Variants in RABGAP1L observed in about 807,000 individuals in gnomAD.
RABGAP1L encodes the protein RAB GTPase activating protein 1 like, also known as rab GTPase-activating protein 1-like.
Under a neutral mutation model 137.7 loss-of-function variants are expected in RABGAP1L, and 63 were observed. That is an observed-to-expected ratio of 0.46 (90% confidence interval 0.37 to 0.56). The LOEUF (loss-of-function observed/expected upper bound fraction) is 0.56, where lower values mean the gene tolerates loss of function less well. Among genes scored for constraint, RABGAP1L ranks in the 20% least tolerant of loss-of-function variants. The pLI is 0.00. For missense variants in RABGAP1L, 1,095 were observed against 1,244.0 expected, an observed-to-expected ratio of 0.88 and a Z score of 1.80; for synonymous variants, 431 against 433.7, an observed-to-expected ratio of 0.99 and a Z score of 0.08.
chr1:174,405,977 C>CA (rs2149115216), intron 13 of RABGAP1L, among the ~76,000 whole-genome samples: 1 of 149,486 alleles, frequency 6.7e-6, no homozygotes, highest in Non-Finnish European at 1.5e-5. Flanking sequence ...GACCCTGTAT[C>CA]AAAAAAATAA....
intron 19 of RABGAP1L, among the ~76,000 whole-genome samples, chr1:174,839,713 T>C (rs1693175711): frequency 6.6e-6 from 1 of 152,234 alleles, no homozygotes; most frequent in Non-Finnish European, 1.5e-5. Context: ...CCTGAAGCAC[T>C]CATCTTGGTG....
chr1:174,438,481 G>A (rs190100758), intron 13 of RABGAP1L, among the ~76,000 whole-genome samples: 154 of 151,988 alleles, frequency 1.0e-3, no homozygotes, highest in African/African-American at 3.4e-3. Flanking sequence ...CACTTTGGGA[G>A]GCTGAGGCAG....
At chr1:174,679,035 G>A (rs1471131632) in intron 14 of RABGAP1L, among the ~76,000 whole-genome samples, 1 of 152,222 alleles carries the variant, frequency 6.6e-6, no homozygotes, top group African/African-American at 2.4e-5. Context: ...TGAAAACAGA[G>A]CTCCCATGAA....
chr1:174,194,137 G>A (rs1558019703), intron 1 of RABGAP1L, among the ~76,000 whole-genome samples: 1 of 152,020 alleles, frequency 6.6e-6, no homozygotes. Context: ...AATTGCATTC[G>A]TACTAAGCAC....
At chr1:174,944,905 C>A (rs1666488333) in intron 19 of RABGAP1L, among the ~76,000 whole-genome samples, 1 of 152,122 alleles carries the variant, frequency 6.6e-6, no homozygotes, top group Non-Finnish European at 1.5e-5. Flanking sequence ...AGCCTTCTGT[C>A]TCTTGTATTT....
At chr1:174,820,304 AG>A (rs1342590123) in intron 19 of RABGAP1L, among the ~76,000 whole-genome samples, 3 of 152,166 alleles carry the variant, frequency 2.0e-5, no homozygotes, top group African/African-American at 7.2e-5. Context: ...GGGGAGTAAG[AG>A]GGAGTAGAGA....
chr1:174,666,339 C>G (rs903670582), intron 14 of RABGAP1L, among the ~76,000 whole-genome samples: 3 of 152,136 alleles, frequency 2.0e-5, no homozygotes, highest in Admixed American at 1.3e-4. Context: ...ATATCAAGCT[C>G]CTGTTTAAGT....
intron 11 of RABGAP1L, among the ~76,000 whole-genome samples, chr1:174,341,836 G>A (rs1052093489): frequency 5.3e-5 from 8 of 152,196 alleles, no homozygotes; most frequent in Admixed American, 2.6e-4. Context: ...CAAAGTAGTC[G>A]TATTCTGAAA....
At chr1:174,878,268 C>T (rs903510049) in intron 19 of RABGAP1L, among the ~76,000 whole-genome samples, 1 of 152,064 alleles carries the variant, frequency 6.6e-6, no homozygotes, top group Non-Finnish European at 1.5e-5. Context: ...CTCCTATTGC[C>T]CAGGTTGGAG....
At chr1:174,628,689 A>C (rs1572590095) in intron 13 of RABGAP1L, among the ~76,000 whole-genome samples, 1 of 152,196 alleles carries the variant, frequency 6.6e-6, no homozygotes, top group Non-Finnish European at 1.5e-5. Context: ...GGCCATTATA[A>C]TATCGTATTG....
chr1:174,459,207 T>C (rs1329786368), intron 13 of RABGAP1L, among the ~76,000 whole-genome samples: 2 of 152,168 alleles, frequency 1.3e-5, no homozygotes, highest in Non-Finnish European at 2.9e-5. Context: ...ATCTTGATGA[T>C]TCAGTTAATC....
chr1:174,203,544 G>A (rs1486943397), intron 1 of RABGAP1L, among the ~76,000 whole-genome samples: 1 of 152,134 alleles, frequency 6.6e-6, no homozygotes, highest in Non-Finnish European at 1.5e-5. Context: ...GTAACATGGT[G>A]CCTTCAGCTT....
intron 11 of RABGAP1L, among the ~76,000 whole-genome samples, chr1:174,362,918 G>T (rs1684272489): frequency 6.6e-6 from 1 of 152,020 alleles, no homozygotes; most frequent in South Asian, 2.1e-4. Flanking sequence ...TTATAGTTTT[G>T]GGTTTTACAT....
intron 18 of RABGAP1L, among the ~76,000 whole-genome samples, chr1:174,782,256 C>A (rs897977976): frequency 3.9e-5 from 6 of 152,064 alleles, no homozygotes; most frequent in Non-Finnish European, 8.8e-5. Context: ...CAGTGGTTTG[C>A]AGTTCTCCTT....
At chr1:174,548,195 G>T (rs1344724999) in intron 13 of RABGAP1L, 16 of 1,436,658 alleles carry the variant, frequency 1.1e-5, no homozygotes, top group Non-Finnish European at 1.4e-5. Flanking sequence ...ATCTCTCAGG[G>T]TGAAGGTAAT....
intron 10 of RABGAP1L, among the ~76,000 whole-genome samples, chr1:174,293,767 C>G (rs1391235098): frequency 6.6e-6 from 1 of 152,020 alleles, no homozygotes; most frequent in Admixed American, 6.6e-5. Flanking sequence ...TTATTAAACA[C>G]TTATTGAGTG....
chr1:174,875,358 CAAG>C (rs1488507167), intron 19 of RABGAP1L, among the ~76,000 whole-genome samples: 1 of 152,082 alleles, frequency 6.6e-6, no homozygotes, highest in Non-Finnish European at 1.5e-5. Flanking sequence ...TCTTCGTAAC[CAAG>C]AAGATTACCT....
intron 13 of RABGAP1L, among the ~76,000 whole-genome samples, chr1:174,408,802 C>G (rs1343640064): frequency 6.6e-6 from 1 of 151,932 alleles, no homozygotes; most frequent in Non-Finnish European, 1.5e-5. Flanking sequence ...TTTGATTTGC[C>G]TTTCTCAGAT....
chr1:174,341,570 A>G (rs747125229), intron 11 of RABGAP1L, among the ~76,000 whole-genome samples: 2 of 152,130 alleles, frequency 1.3e-5, no homozygotes, highest in Non-Finnish European at 2.9e-5. Context: ...TTTTGCACAG[A>G]TGTTTTATTT....
Sources: gnomAD v4.1 joint callset for allele counts (sites outside exome capture counted in the v4.1 genomes callset) on GRCh38, gnomAD v4.1.1 for gene constraint, MANE v1.5 for transcripts, NCBI Gene and HGNC (gene_info 2026-07-23, HGNC 2026-07-21) for gene names.